The following SLC30A6 variants were observed in gnomAD, a reference collection of about 807,000 sequenced individuals.
SLC30A6 encodes solute carrier family 30 member 6.
Under a neutral mutation model 63.0 loss-of-function variants are expected in SLC30A6, and 55 were observed. The ratio of observed to expected loss-of-function variants is 0.87; its 90% CI spans 0.70 to 1.09. SLC30A6 has a LOEUF of 1.09. SLC30A6 is among the 50% of genes least tolerant of loss of function. The pLI is 0.00. For synonymous variants in SLC30A6, 224 were observed against 186.1 expected, an observed-to-expected ratio of 1.20 and a Z score of -1.66; for missense variants, 587 against 549.2, an observed-to-expected ratio of 1.07 and a Z score of -0.69.
At chr2:32,174,419 C>T (rs1278781306) in intron 3 of SLC30A6, among the ~76,000 whole-genome samples, 1 of 151,932 alleles carries the variant, frequency 6.6e-6, no homozygotes, top group Non-Finnish European at 1.5e-5. Flanking sequence ...TCTCAAAATC[C>T]TGAGCTCAAA....
chr2:32,186,437 G>T (rs917143313), intron 5 of SLC30A6, among the ~76,000 whole-genome samples: 1 of 152,180 alleles, frequency 6.6e-6, no homozygotes, highest in Non-Finnish European at 1.5e-5. Context: ...TATAATCCCG[G>T]GACTTCGGGA....
At chr2:32,190,568 G>C (rs1221222956) in intron 5 of SLC30A6, among the ~76,000 whole-genome samples, 5 of 151,964 alleles carry the variant, frequency 3.3e-5, no homozygotes, top group African/African-American at 2.4e-5. Flanking sequence ...ACTTTGTTCT[G>C]TTATCACCTA....
chr2:32,206,125 T>C (rs759707218), intron 11 of SLC30A6, among the ~76,000 whole-genome samples: 1 of 152,114 alleles, frequency 6.6e-6, no homozygotes, highest in Non-Finnish European at 1.5e-5. Flanking sequence ...CTTACTGAAA[T>C]GATAGGAACA....
intron 8 of SLC30A6, among the ~76,000 whole-genome samples, chr2:32,196,068 A>G (rs1027104029): frequency 2.0e-5 from 3 of 152,186 alleles, no homozygotes; most frequent in Admixed American, 2.0e-4. Context: ...TAATCCCAGC[A>G]GTTTGGGAGA....
At chr2:32,200,769 C>G in intron 10 of SLC30A6, among the ~76,000 whole-genome samples, 1 of 152,092 alleles carries the variant, frequency 6.6e-6, no homozygotes, top group East Asian at 1.9e-4. Flanking sequence ...GACCTTCCCT[C>G]CACTGTTGTC....
Position 32,194,000 on chromosome 2 carries a change from C to A in SLC30A6, c.496+17C>A, listed in dbSNP as rs374811342. On this transcript the variant is annotated intron_variant, in intron 8 of 13. Transcript: ENST00000282587. ...TCTCAGAAGGTATGTTTTTTATTTA[C>A]TATTAATTTAAAAATCCAACTAATC... 6.3e-6 allele frequency: 10 copies of A among 1,581,094 alleles called. No individual in the cohort carries two copies. The highest frequency in any genetic ancestry group is 7.8e-6 in the Non-Finnish European group (9 of 1,160,020).
At chr2:32,170,286 T>G (rs958770161) in intron 1 of SLC30A6, among the ~76,000 whole-genome samples, 4 of 152,228 alleles carry the variant, frequency 2.6e-5, no homozygotes, top group Non-Finnish European at 4.4e-5. Context: ...AAACATTACC[T>G]TGATCAAAAT....
At chr2:32,217,760 C>CT (rs1435140432) in intron 13 of SLC30A6, among the ~76,000 whole-genome samples, 1 of 151,266 alleles carries the variant, frequency 6.6e-6, no homozygotes, top group African/African-American at 2.4e-5. Flanking sequence ...CATAGTTCTC[C>CT]TTGTAGAGAT....
chr2:32,210,209 T>G (rs1685132115), intron 13 of SLC30A6, among the ~76,000 whole-genome samples: 2 of 152,182 alleles, frequency 1.3e-5, no homozygotes, highest in African/African-American at 2.4e-5. Context: ...ACATTTATTT[T>G]CCTTAGAAAA....
At chr2:32,180,043 GC>G (rs1383612907) in intron 4 of SLC30A6, among the ~76,000 whole-genome samples, 1 of 152,032 alleles carries the variant, frequency 6.6e-6, no homozygotes, top group African/African-American at 2.4e-5. Context: ...GGACATTTGA[GC>G]CCAGGAGTTT....
At chr2:32,208,987 A>G (rs1685025639) in intron 12 of SLC30A6, among the ~76,000 whole-genome samples, 1 of 152,182 alleles carries the variant, frequency 6.6e-6, no homozygotes, top group African/African-American at 2.4e-5. Flanking sequence ...GGCCTTGAGT[A>G]TGTGTCCTGT....
chr2:32,213,185 G>A (rs998967614), intron 13 of SLC30A6, among the ~76,000 whole-genome samples: 5 of 152,008 alleles, frequency 3.3e-5, no homozygotes, highest in African/African-American at 9.7e-5. Context: ...GGGATTACAG[G>A]CACGAGCCAC....
intron 4 of SLC30A6, among the ~76,000 whole-genome samples, chr2:32,177,951 T>TC (rs1234080963): frequency 1.3e-5 from 2 of 149,118 alleles, no homozygotes; most frequent in East Asian, 3.9e-4. Flanking sequence ...TTAATTTTTT[T>TC]TTTTTTTTTT....
At chr2:32,203,361 A>G in intron 10 of SLC30A6, 5 of 969,160 alleles carry the variant, frequency 5.2e-6, no homozygotes, top group Middle Eastern at 3.1e-4. Flanking sequence ...TCTACAATGG[A>G]TTTAGTTAAA....
At chr2:32,166,785 C>T (rs188258742) in intron 1 of SLC30A6, among the ~76,000 whole-genome samples, 2 of 152,346 alleles carry the variant, frequency 1.3e-5, no homozygotes, top group East Asian at 3.9e-4. Context: ...GAAAATGCCT[C>T]ATTCACACAC....
At chr2:32,204,280 C>G (rs1684552262) in intron 10 of SLC30A6, among the ~76,000 whole-genome samples, 1 of 152,124 alleles carries the variant, frequency 6.6e-6, no homozygotes, top group Non-Finnish European at 1.5e-5. Context: ...TATTTCAGCT[C>G]TTTCTAGTTG....
At chr2:32,194,051 GT>G (rs1467311914) in intron 8 of SLC30A6, 68 bp downstream of exon 8, 18 of 1,288,302 alleles carry the variant, frequency 1.4e-5, no homozygotes, top group African/African-American at 3.0e-5. Flanking sequence ...CCTTTTGTTT[GT>G]TTCGTTCACT....
intron 8 of SLC30A6, among the ~76,000 whole-genome samples, chr2:32,195,203 G>A (rs1683676850): frequency 6.6e-6 from 1 of 151,416 alleles, no homozygotes; most frequent in African/African-American, 2.4e-5. Context: ...TGGTTCAAGG[G>A]GTTACAGGAA....
In SLC30A6 at chr2:32,183,409, G is replaced by T. The variant is rs560027705; in HGVS notation, c.219-864G>T. On this transcript the variant is annotated intron_variant, in intron 4 of 13. Transcript: ENST00000282587. ...TAAGGATGGCTTTTCGGCCAGGCGC[G>T]GTGGCTCACGCCTGTAATCCCAGCA... 2.0e-5 allele frequency among the ~76,000 whole-genome samples: 3 copies of T among 152,072 alleles called. No homozygotes were observed. In the South Asian group the frequency reaches 6.2e-4, roughly 32 times the overall value.
Sources: allele counts gnomAD v4.1 joint callset (sites outside exome capture counted in the v4.1 genomes callset), GRCh38; gene constraint gnomAD v4.1.1; transcripts MANE v1.5; gene names NCBI Gene and HGNC (gene_info 2026-07-23, HGNC 2026-07-21).